FER: variants seen among roughly 807,000 people sequenced by gnomAD.
FER encodes the protein tyrosine-protein kinase Fer.
In FER, 63 loss-of-function variants were observed where a neutral mutation model predicts 111.0. The observed-to-expected ratio is 0.57, with a 90% confidence interval of 0.46 to 0.70. FER has a LOEUF of 0.70. Ranked by LOEUF, FER falls within the 30% of genes least tolerant of loss-of-function variation. The pLI is 0.00. For synonymous variants in FER, 327 were observed against 313.9 expected (o/e 1.04, Z -0.44); for missense variants, 914 against 954.0 (o/e 0.96, Z 0.55).
At chr5:108,878,154 G>C (rs1316680671) in intron 8 of FER, among the ~76,000 whole-genome samples, 1 of 151,962 alleles carries the variant, frequency 6.6e-6, no homozygotes, top group South Asian at 2.1e-4. Context: ...TGATCTACCC[G>C]CCGCAGCCTC....
intron 13 of FER, among the ~76,000 whole-genome samples, chr5:108,970,547 G>C (rs1382347982): frequency 6.6e-6 from 1 of 152,214 alleles, no homozygotes; most frequent in South Asian, 2.1e-4. Flanking sequence ...AGTGTTTACA[G>C]CCAATAAGTT....
At chr5:108,888,033 A>G (rs1747437772) in intron 9 of FER, among the ~76,000 whole-genome samples, 1 of 151,954 alleles carries the variant, frequency 6.6e-6, no homozygotes, top group Non-Finnish European at 1.5e-5. Flanking sequence ...CAGAATCTTA[A>G]GAGATCATTT....
At chr5:109,091,212 T>G (rs1010265859) in intron 16 of FER, among the ~76,000 whole-genome samples, 1 of 152,206 alleles carries the variant, frequency 6.6e-6, no homozygotes, top group Non-Finnish European at 1.5e-5. Context: ...TATCAGGACC[T>G]TGAGGGCAGT....
intron 13 of FER, among the ~76,000 whole-genome samples, chr5:109,030,293 C>T (rs1281540291): frequency 6.6e-6 from 1 of 152,176 alleles, no homozygotes; most frequent in Non-Finnish European, 1.5e-5. Context: ...GTAATTCCAA[C>T]ATCAGATCCA....
rs1562022805 is a variant in FER, at chr5:109,194,742, TA to T, written c.*7170del. On this transcript the variant is annotated 3_prime_UTR_variant, in exon 20 of 20. Transcript: ENST00000281092. ...ATAAATGTAGGAGGGCCTTAAAAAATAAATCTCAATTCATACACTGGAGCAG... is the reference window on the plus strand; with the variant it reads ...ATAAATGTAGGAGGGCCTTAAAAAATAATCTCAATTCATACACTGGAGCAG... 6.6e-6 allele frequency: 1 copy of T among 151,832 alleles called. No homozygotes were observed. Among genetic ancestry groups the T allele is most frequent in the African/African-American group, 2.4e-5 (1 of 41,394 alleles). 9.4% of individuals were successfully genotyped at this position (151,832 alleles called of 1,614,324 possible). A position where few individuals can be genotyped will look rare whatever the true frequency, so the allele number is the denominator to read the frequency against.
intron 17 of FER, among the ~76,000 whole-genome samples, chr5:109,135,799 C>A (rs560298685): frequency 6.6e-6 from 1 of 151,658 alleles, no homozygotes; most frequent in African/African-American, 2.4e-5. Context: ...GCTGACACTT[C>A]TCTGTTTCTG....
chr5:108,879,039 T>A (rs1369957193), intron 8 of FER, among the ~76,000 whole-genome samples: 1 of 152,102 alleles, frequency 6.6e-6, no homozygotes, highest in Non-Finnish European at 1.5e-5. Context: ...ATAAGGGTGT[T>A]ATAAGAATTA....
At chr5:109,038,965 A>G (rs1412585864) in intron 14 of FER, among the ~76,000 whole-genome samples, 1 of 152,082 alleles carries the variant, frequency 6.6e-6, no homozygotes, top group Non-Finnish European at 1.5e-5. Context: ...GACAAGTAAT[A>G]TGTCAGTCTT....
intron 5 of FER, among the ~76,000 whole-genome samples, chr5:108,859,980 C>A (rs1396943299): frequency 2.1e-5 from 3 of 146,182 alleles, no homozygotes; most frequent in Non-Finnish European, 4.5e-5. Context: ...CTCTCTCTGT[C>A]GCCCAGGCTG....
chr5:108,840,199 C>T (rs1761115248), intron 5 of FER, among the ~76,000 whole-genome samples: 1 of 152,104 alleles, frequency 6.6e-6, no homozygotes, highest in African/African-American at 2.4e-5. Context: ...TCTAAAAAGC[C>T]ACAATGCAAT....
At chr5:108,944,550 G>A (rs1349996241) in intron 10 of FER, among the ~76,000 whole-genome samples, 1 of 152,148 alleles carries the variant, frequency 6.6e-6, no homozygotes, top group Admixed American at 6.6e-5. Context: ...ATTTTTAAAA[G>A]TAGCCATTTG....
At chr5:109,024,760 G>T (rs1305794837) in intron 13 of FER, among the ~76,000 whole-genome samples, 1 of 152,070 alleles carries the variant, frequency 6.6e-6, no homozygotes. Context: ...TTCACATCAT[G>T]TTTAAGTCTT....
chr5:108,985,268 C>T (rs1338327866), intron 13 of FER, among the ~76,000 whole-genome samples: 3 of 151,990 alleles, frequency 2.0e-5, no homozygotes, highest in African/African-American at 7.2e-5. Context: ...TTTTTTGAAA[C>T]ATTTTTAGCA....
chr5:109,152,530 C>T (rs1429110024), intron 17 of FER, among the ~76,000 whole-genome samples: 1 of 151,832 alleles, frequency 6.6e-6, no homozygotes, highest in East Asian at 1.9e-4. Context: ...GTGTAGCCCT[C>T]TGGAAAAGTA....
At chr5:108,805,171 G>A (rs556609520) in intron 3 of FER, among the ~76,000 whole-genome samples, 27 of 152,078 alleles carry the variant, frequency 1.8e-4, no homozygotes, top group Admixed American at 1.4e-3. Flanking sequence ...GGCTGTTCTC[G>A]TGATAGTGAA....
At chr5:108,952,642 A>G (rs1404489398) in intron 11 of FER, among the ~76,000 whole-genome samples, 3 of 150,584 alleles carry the variant, frequency 2.0e-5, no homozygotes, top group African/African-American at 4.8e-5. Context: ...TGAGATAGCA[A>G]TATAAGTTCC....
chr5:108,868,221 G>A (rs1019995029), intron 6 of FER, among the ~76,000 whole-genome samples: 3 of 152,000 alleles, frequency 2.0e-5, no homozygotes, highest in African/African-American at 7.2e-5. Flanking sequence ...ATTATAAGTT[G>A]AAAAGTGTTA....
chr5:109,140,017 C>T (rs1223947995), intron 17 of FER, among the ~76,000 whole-genome samples: 2 of 152,182 alleles, frequency 1.3e-5, no homozygotes, highest in Admixed American at 6.5e-5. Context: ...GCTCAAATTG[C>T]GAATATCTTT....
intron 17 of FER, among the ~76,000 whole-genome samples, chr5:109,154,553 C>T (rs143244370): frequency 1.6e-3 from 243 of 151,934 alleles, no homozygotes; most frequent in African/African-American, 5.4e-3. Flanking sequence ...AAACTCACAT[C>T]TTATAGCCCT....
Sources: allele counts gnomAD v4.1 joint callset (sites outside exome capture counted in the v4.1 genomes callset), GRCh38; gene constraint gnomAD v4.1.1; transcripts MANE v1.5; gene names NCBI Gene and HGNC (gene_info 2026-07-23, HGNC 2026-07-21).